Variants in USP54 observed in about 807,000 individuals in gnomAD.
The protein encoded by USP54 is ubiquitin specific peptidase 54.
In USP54, 87 loss-of-function variants were observed where a neutral mutation model predicts 170.5. The ratio of observed to expected loss-of-function variants is 0.51; its 90% CI spans 0.43 to 0.61. The LOEUF (loss-of-function observed/expected upper bound fraction) is 0.61, where lower values mean the gene tolerates loss of function less well. Ranked by LOEUF, USP54 falls within the 20% of genes least tolerant of loss-of-function variation. The pLI is 0.00. For synonymous variants in USP54, 655 were observed against 742.8 expected (o/e 0.88, Z 1.92); for missense variants, 1,786 against 2,047.8 (o/e 0.87, Z 2.47).
intron 9 of USP54, among the ~76,000 whole-genome samples, chr10:73,540,594 CTTTTGT>C (rs1048468049): frequency 6.6e-6 from 1 of 152,030 alleles, no homozygotes; most frequent in Admixed American, 6.6e-5. Context: ...GAAACAATTG[CTTTTGT>C]TTTTAAGAGA....
chr10:73,622,872 GAC>G (rs1430117521), intron 1 of USP54, among the ~76,000 whole-genome samples: 6 of 151,594 alleles, frequency 4.0e-5, no homozygotes, highest in Non-Finnish European at 5.9e-5. Context: ...AAACCCAGGA[GAC>G]TGAGGCTGCA....
At chr10:73,545,127 T>C (rs751814508) in intron 5 of USP54, among the ~76,000 whole-genome samples, 6 of 152,334 alleles carry the variant, frequency 3.9e-5, no homozygotes, top group East Asian at 1.9e-4. Flanking sequence ...ATCACACTTA[T>C]GCTAGGGACT....
At chr10:73,539,649 A>G (rs1338387615) in intron 9 of USP54, 56 bp from the exon 10 acceptor site, 1 of 1,505,302 alleles carries the variant, frequency 6.6e-7, no homozygotes, top group African/African-American at 1.4e-5. Flanking sequence ...ATTCCACATC[A>G]TCTCTCAGCA....
At chr10:73,530,002 T>G in intron 14 of USP54, 91 bp from the exon 15 acceptor site, 1 of 1,488,356 alleles carries the variant, frequency 6.7e-7, no homozygotes, top group South Asian at 1.4e-5. Context: ...TCTAGCTACT[T>G]ATTCACTGAA....
At chr10:73,504,776 T>A in intron 22 of USP54, 74 bp downstream of exon 22, 1 of 1,599,104 alleles carries the variant, frequency 6.3e-7, no homozygotes, top group East Asian at 2.2e-5. Context: ...TTCTCCCTGC[T>A]TCTTCACCTG....
chr10:73,532,292 C>T (rs367910925), intron 12 of USP54, among the ~76,000 whole-genome samples: 4 of 152,156 alleles, frequency 2.6e-5, no homozygotes, highest in African/African-American at 9.7e-5. Context: ...CCTGCCTCAG[C>T]CTCCTGAGTA....
intron 20 of USP54, chr10:73,513,387 C>A (rs762554795): frequency 2.0e-5 from 3 of 152,012 alleles, no homozygotes; most frequent in Non-Finnish European, 4.4e-5. Flanking sequence ...ATTGCTTGAA[C>A]CCGGGAGGCG....
intron 3 of USP54, among the ~76,000 whole-genome samples, chr10:73,573,227 G>A (rs2075534938): frequency 6.6e-6 from 1 of 152,004 alleles, no homozygotes; most frequent in Admixed American, 6.6e-5. Flanking sequence ...GGACGTTAAG[G>A]CTGCAGTGAG....
intron 4 of USP54, among the ~76,000 whole-genome samples, chr10:73,570,972 T>C (rs1210090898): frequency 6.6e-6 from 1 of 151,684 alleles, no homozygotes; most frequent in African/African-American, 2.4e-5. Context: ...ACCCCGTCTC[T>C]ACTAAAAATA....
At position 73,523,571 on chromosome 10, in the gene USP54, C is replaced by T; in HGVS notation, c.2362+12G>A. On this transcript the variant is annotated intron_variant, in intron 17 of 23. Coordinates refer to ENST00000687698, the MANE Select transcript of USP54 (RefSeq NM_001391956.1). The stretch of plus-strand genomic sequence containing the variant: ...TCCCCATCACCCACAACCTAATGCT[C>T]ACAACAATTACCCTGATTCTGCAGT... 6 of 1,585,286 alleles carry T rather than the reference C, an allele frequency of 3.8e-6. No individual in the cohort carries two copies. Among genetic ancestry groups the T allele is most frequent in the Non-Finnish European group, 5.2e-6 (6 of 1,160,626 alleles).
intron 4 of USP54, among the ~76,000 whole-genome samples, chr10:73,565,239 A>C (rs914222180): frequency 6.6e-6 from 1 of 152,126 alleles, no homozygotes; most frequent in African/African-American, 2.4e-5. Flanking sequence ...ACTCTGGGCC[A>C]GGAATGGTAG....
chr10:73,606,932 C>A (rs1011550052), intron 1 of USP54, among the ~76,000 whole-genome samples: 6 of 151,602 alleles, frequency 4.0e-5, no homozygotes, highest in African/African-American at 1.2e-4. Context: ...TCATTACTCC[C>A]AACTACCTAA....
rs1288722102 is a variant in USP54, at chr10:73,516,566, G to C, written c.3860C>G (p.Pro1287Arg). 3 of 1,614,084 alleles carry C rather than the reference G, an allele frequency of 1.9e-6. No individual in the cohort carries two copies. Among genetic ancestry groups the C allele is most frequent in the East Asian group, 2.2e-5 (1 of 44,888 alleles). ...GGTTACACACGTATGGGAATCATGAGGGGAGGACTTCATTCCTGGCCTAGG... is the reference window on the plus strand; with the variant it reads ...GGTTACACACGTATGGGAATCATGACGGGAGGACTTCATTCCTGGCCTAGG... ...GAPRPGMKSS[P>R]HDSHTCVTYP... The change falls in exon 20 of 24, where the codon CCT becomes CGT. Residue 1287 changes from proline (P) to arginine (R), a missense_variant. Pro to Arg is a moderately radical substitution (Grantham distance 103). Coordinates refer to ENST00000687698, the MANE Select transcript of USP54 (RefSeq NM_001391956.1).
intron 10 of USP54, among the ~76,000 whole-genome samples, 164 bp downstream of exon 10, chr10:73,539,278 CAA>C (rs1279556550): frequency 1.8e-5 from 1 of 54,866 alleles, no homozygotes. Flanking sequence ...GACTCCATCT[CAA>C]AAAAAAAAAA....
At chr10:73,542,327 TA>T (rs761219521) in intron 7 of USP54, among the ~76,000 whole-genome samples, 81 of 152,278 alleles carry the variant, frequency 5.3e-4, no homozygotes, top group Non-Finnish European at 1.0e-3. Context: ...CTCGAACTCT[TA>T]GCCTCAAGTG....
At chr10:73,579,216 G>A (rs1402434872) in intron 1 of USP54, among the ~76,000 whole-genome samples, 4 of 151,924 alleles carry the variant, frequency 2.6e-5, no homozygotes, top group African/African-American at 9.7e-5. Context: ...CTCCCACAGC[G>A]CTGGGATTAC....
In USP54 at chr10:73,519,776, AAC is replaced by A; in HGVS notation, c.2678+19_2678+20del. 1 of 1,613,370 alleles carries A rather than the reference AAC, an allele frequency of 6.2e-7. No individual in the cohort carries two copies. Among genetic ancestry groups the A allele is most frequent in the Non-Finnish European group, 8.5e-7 (1 of 1,179,820 alleles). ...TTTCTTCCCCTGGCATTCATAAACT[AAC>A]ATGGTTCCCAAGCACTACCTTGTTG... On this transcript the variant is annotated intron_variant, in intron 19 of 23. Transcript: ENST00000687698.
Position 73,505,344 on chromosome 10 carries a change from A to C in USP54, c.4134T>G (p.His1378Gln). 6.2e-7 allele frequency: 1 copy of C among 1,614,096 alleles called. No individual in the cohort carries two copies. Among genetic ancestry groups the C allele is most frequent in the Non-Finnish European group, 8.5e-7 (1 of 1,180,012 alleles). Residue 1378 changes from histidine to glutamine, a missense_variant, in exon 21 of 24, where the codon CAT becomes CAG. Transcript: ENST00000687698. ...LSKTSTAEMEHGLHEARTVRT... is the reference protein window; with the variant it reads ...LSKTSTAEMEQGLHEARTVRT... ...GCACTGTTCTGGCTTCATGGAGACC[A>C]TGCTCCATTTCTGCTGTTGAAGTCT...
intron 4 of USP54, among the ~76,000 whole-genome samples, chr10:73,549,827 C>T (rs961529414): frequency 1.3e-5 from 2 of 152,164 alleles, no homozygotes; most frequent in Non-Finnish European, 2.9e-5. Context: ...TCATATCATT[C>T]TTCTGCTCAA....
Sources: allele counts gnomAD v4.1 joint callset (sites outside exome capture counted in the v4.1 genomes callset), GRCh38; gene constraint gnomAD v4.1.1; transcripts MANE v1.5; gene names NCBI Gene and HGNC (gene_info 2026-07-23, HGNC 2026-07-21).